The following ZNF213 variants were observed in gnomAD, a reference collection of about 807,000 sequenced individuals.
ZNF213 encodes zinc finger protein 213.
Under a neutral mutation model 46.0 loss-of-function variants are expected in ZNF213, and 32 were observed. The ratio of observed to expected loss-of-function variants is 0.70; its 90% CI spans 0.52 to 0.93. The LOEUF is 0.93. Ranked by LOEUF, ZNF213 falls within the 40% of genes least tolerant of loss-of-function variation. The pLI is 0.00. For synonymous variants in ZNF213, 297 were observed against 271.0 expected, an observed-to-expected ratio of 1.10 and a Z score of -0.94; for missense variants, 639 against 652.8, an observed-to-expected ratio of 0.98 and a Z score of 0.23.
chr16:3,140,499 A>G, intron 5 of ZNF213, 190 bp from the exon 6 acceptor site: 2 of 834,284 alleles, frequency 2.4e-6, no homozygotes, highest in Non-Finnish European at 1.6e-6. Flanking sequence ...TTGGGATTAC[A>G]GGCTTGAGTC....
intron 5 of ZNF213, chr16:3,140,388 A>G: frequency 4.1e-6 from 1 of 245,748 alleles, no homozygotes; most frequent in Middle Eastern, 1.2e-3. Context: ...TGCCCTGCTG[A>G]TTTTTGCATT....
rs1487818348 is a variant in ZNF213, at chr16:3,141,242, T to C, written c.1275T>C (p.Gly425=). 6.8e-6 allele frequency: 11 copies of C among 1,612,390 alleles called. No homozygotes were observed. The highest frequency in any genetic ancestry group is 1.6e-4 in the Middle Eastern group (1 of 6,062). Residue 425 remains glycine (G), a synonymous_variant, in exon 6 of 6, where the codon GGT becomes GGC. Coordinates refer to ENST00000396878, the MANE Select transcript of ZNF213 (RefSeq NM_004220.3). ...YLLDHRRVHT[G]ERPFGCGECD... ...TGGACCATCGGCGTGTGCACACCGGTGAGCGGCCCTTCGGCTGCGGAGAGT... is the reference window on the plus strand; with the variant it reads ...TGGACCATCGGCGTGTGCACACCGGCGAGCGGCCCTTCGGCTGCGGAGAGT...
chr16:3,135,785 C>G (rs577575107), intron 1 of ZNF213, among the ~76,000 whole-genome samples: 34 of 150,636 alleles, frequency 2.3e-4, no homozygotes, highest in Non-Finnish European at 3.7e-4. Flanking sequence ...TGAATCTTCC[C>G]TTTTTTATTA....
chr16:3,135,480 GAATA>G (rs1435804451), intron 1 of ZNF213, 93 bp downstream of exon 1: 4 of 152,356 alleles, frequency 2.6e-5, no homozygotes, highest in South Asian at 2.1e-4. Flanking sequence ...GTGAGGAGCA[GAATA>G]AATAAAGTGC....
rs557860626 is a variant in ZNF213 at position 3,135,381 on chromosome 16, G to A, written c.-122G>A. On this transcript the variant is annotated 5_prime_UTR_variant, in exon 1 of 6. Transcript: ENST00000396878. Reference sequence around the variant, plus strand: ...TCCCGCCTGCCGTGTCCTGCTGAGCGACCCTGGTGAGTCCTGGCCCTCTTC... The same window carrying A: ...TCCCGCCTGCCGTGTCCTGCTGAGCAACCCTGGTGAGTCCTGGCCCTCTTC... 3 of 152,428 alleles carry A rather than the reference G, an allele frequency of 2.0e-5. No individual in the cohort carries two copies. Among genetic ancestry groups the A allele is most frequent in the Admixed American group, 1.3e-4 (2 of 15,310 alleles). 9.4% of individuals were successfully genotyped at this position (152,428 alleles called of 1,614,324 possible).
intron 2 of ZNF213, 22 bp from the exon 3 acceptor site, chr16:3,138,396 G>C: frequency 6.2e-7 from 1 of 1,613,252 alleles, no homozygotes; most frequent in Middle Eastern, 1.7e-4. Context: ...GGGCTGATGA[G>C]CATGTTGTGG....
chr16:3,136,561 C>CA (rs1339627457), intron 1 of ZNF213, among the ~76,000 whole-genome samples: 1 of 151,896 alleles, frequency 6.6e-6, no homozygotes, highest in Non-Finnish European at 1.5e-5. Flanking sequence ...ACTAAAAATA[C>CA]AAAAAATTAG....
At chr16:3,139,224 G>C (rs1957576541) in intron 5 of ZNF213, 126 bp downstream of exon 5, 1 of 1,382,174 alleles carries the variant, frequency 7.2e-7, no homozygotes, top group Non-Finnish European at 9.7e-7. Flanking sequence ...CCAGGAGCCT[G>C]AGTAACTCCT....
At chr16:3,136,991 G>A (rs1056404740) in intron 1 of ZNF213, among the ~76,000 whole-genome samples, 175 bp from the exon 2 acceptor site, 1 of 152,150 alleles carries the variant, frequency 6.6e-6, no homozygotes, top group African/African-American at 2.4e-5. Flanking sequence ...TGGGATGAGA[G>A]CTTGTGGGCC....
At position 3,141,593 on chromosome 16, in the gene ZNF213, C is replaced by G. The variant is rs1182142040; in HGVS notation, c.*246C>G. 2.0e-6 allele frequency: 1 copy of G among 497,644 alleles called. No individual in the cohort carries two copies. Among genetic ancestry groups the G allele is most frequent in the Non-Finnish European group, 3.5e-6 (1 of 284,858 alleles). 30.8% of individuals were successfully genotyped at this position (497,644 alleles called of 1,614,324 possible). On this transcript the variant is annotated 3_prime_UTR_variant, in exon 6 of 6. Coordinates refer to ENST00000396878, the MANE Select transcript of ZNF213 (RefSeq NM_004220.3). ...TTTCCCCCTTCTGCGCCTAGCGTTC[C>G]TCTTCCCCTCTAGTTTCCTGGAGCC...
rs1023316259 is a variant in ZNF213 at position 3,141,801 on chromosome 16, G to GC, written c.*460dup. Reference sequence around the variant, plus strand: ...CAGTGGGCGTGGAGGACTGGCCTTGGCCCCCCAGGGGGCTGCTGGACTTTG... The same window carrying GC: ...CAGTGGGCGTGGAGGACTGGCCTTGGCCCCCCCAGGGGGCTGCTGGACTTTG... On this transcript the variant is annotated 3_prime_UTR_variant, in exon 6 of 6. Coordinates refer to ENST00000396878, the MANE Select transcript of ZNF213 (RefSeq NM_004220.3). 6 of 164,474 alleles carry GC rather than the reference G, an allele frequency of 3.6e-5. No homozygotes were observed. Among genetic ancestry groups the GC allele is most frequent in the Non-Finnish European group, 6.5e-5 (5 of 76,530 alleles). 10.2% of individuals were successfully genotyped at this position (164,474 alleles called of 1,614,324 possible). A position where few individuals can be genotyped will look rare whatever the true frequency, so the allele number is the denominator to read the frequency against.
rs373307777 is a variant in ZNF213, at chr16:3,138,385, C to T, written c.400-33C>T. On this transcript the variant is annotated intron_variant, in intron 2 of 5. Coordinates refer to ENST00000396878, the MANE Select transcript of ZNF213 (RefSeq NM_004220.3). ...AACTCTGTCTCCCCCGGTCTGGTCT[C>T]GGGCTGATGAGCATGTTGTGGTTCC... 1,612 of 1,612,660 alleles carry T rather than the reference C, an allele frequency of 1.0e-3. 16 individuals carry two copies. The South Asian group carries it at 0.014, about 14-fold the overall frequency.
chr16:3,138,692 C>T (rs1452395220), intron 3 of ZNF213, 53 bp from the exon 4 acceptor site: 6 of 1,611,738 alleles, frequency 3.7e-6, no homozygotes, highest in Admixed American at 3.3e-5. Context: ...AGGCCATAGG[C>T]GTCGGTGTCA....
At position 3,141,486 on chromosome 16, in the gene ZNF213, G is replaced by T. The variant is rs1015000097; in HGVS notation, c.*139G>T. On this transcript the variant is annotated 3_prime_UTR_variant, in exon 6 of 6. Transcript: ENST00000396878. ...CCAGGGTACCTCACACTCGGAGCTC[G>T]CCTGCCCTGCTTGGCTCTGAGGACC... is the stretch of plus-strand genomic sequence containing the variant. The T allele has an allele frequency of 2.9e-6, 3 of 1,026,430 alleles. No homozygotes were observed. Among genetic ancestry groups the T allele is most frequent in the Admixed American group, 6.0e-5 (2 of 33,168 alleles). The allele number at this position is 1,026,430 out of a possible 1,614,324, so 63.6% of individuals were successfully genotyped here.
At position 3,141,410 on chromosome 16, in the gene ZNF213, A is replaced by G; in HGVS notation, c.*63A>G. On this transcript the variant is annotated 3_prime_UTR_variant, in exon 6 of 6. Coordinates refer to ENST00000396878, the MANE Select transcript of ZNF213 (RefSeq NM_004220.3). ...CACGGCACATCCTGCTTTGTTCACC[A>G]CTGGGACTCTCCTTCCATCTGTGGC... The G allele has an allele frequency of 1.3e-6, 2 of 1,482,814 alleles. No homozygotes were observed. Among genetic ancestry groups the G allele is most frequent in the Non-Finnish European group, 8.9e-7 (1 of 1,120,594 alleles). 91.9% of individuals were successfully genotyped at this position (1,482,814 alleles called of 1,614,324 possible).
chr16:3,136,262 G>A (rs1306029794), intron 1 of ZNF213, among the ~76,000 whole-genome samples: 1 of 152,132 alleles, frequency 6.6e-6, no homozygotes, highest in Non-Finnish European at 1.5e-5. Context: ...AATGGCTTTG[G>A]ATGGTGTCTG....
Position 3,137,314 on chromosome 16 carries a change from C to T in ZNF213, c.34C>T (p.Pro12Ser). 5.0e-6 allele frequency: 8 copies of T among 1,609,708 alleles called. No homozygotes were observed. Among genetic ancestry groups the T allele is most frequent in the African/African-American group, 4.0e-5 (3 of 74,968 alleles). ...AAPLEAQDQA[P>S]GEGEGLLIVK... ...CCCCTTGGAGGCCCAGGACCAGGCCCCTGGGGAGGGAGAAGGGCTTCTGAT... is the reference window on the plus strand; with the variant it reads ...CCCCTTGGAGGCCCAGGACCAGGCCTCTGGGGAGGGAGAAGGGCTTCTGAT... The change falls in exon 2 of 6, where the codon CCT (proline) becomes TCT (serine). Residue 12 changes from proline (P) to serine (S), a missense_variant. By Grantham distance (74) the Pro-to-Ser change is moderately conservative (BLOSUM62 -1). Transcript: ENST00000396878.
At position 3,137,358 on chromosome 16, in the gene ZNF213, C is replaced by T. The variant is rs903559430; in HGVS notation, c.78C>T (p.Ser26=). 2 of 1,613,826 alleles carry T rather than the reference C, an allele frequency of 1.2e-6. No homozygotes were observed. Among genetic ancestry groups the T allele is most frequent in the African/African-American group, 1.3e-5 (1 of 74,950 alleles). Residue 26 remains serine, a synonymous_variant, in exon 2 of 6, where the codon TCC becomes TCT. Coordinates refer to ENST00000396878, the MANE Select transcript of ZNF213 (RefSeq NM_004220.3). Reference sequence around the variant, plus strand: ...TTCTGATTGTGAAAGTGGAAGATTCCTCCTGGGAACAGGAATCTGCCCAGC... The same window carrying T: ...TTCTGATTGTGAAAGTGGAAGATTCTTCCTGGGAACAGGAATCTGCCCAGC... ...EGLLIVKVED[S]SWEQESAQHE...
At position 3,140,764 on chromosome 16, in the gene ZNF213, G is replaced by A. The variant is rs1957593350; in HGVS notation, c.797G>A (p.Ser266Asn). 1 of 1,568,408 alleles carries A rather than the reference G, an allele frequency of 6.4e-7. No individual in the cohort carries two copies. The highest frequency in any genetic ancestry group is 8.6e-7 in the Non-Finnish European group (1 of 1,163,310). ...MVPVVPGQTGSDVTVSWSPEE... is the reference protein window; with the variant it reads ...MVPVVPGQTGNDVTVSWSPEE... ...CCGGTGGTGCCAGGCCAGACAGGCA[G>A]CGACGTGACTGTGTCCTGGAGCCCC... is the stretch of plus-strand genomic sequence containing the variant. Residue 266 changes from serine to asparagine, a missense_variant, in exon 6 of 6, where the codon AGC becomes AAC. Physicochemically the swap from Ser to Asn is conservative, Grantham distance 46 (BLOSUM62 1). Coordinates refer to ENST00000396878, the MANE Select transcript of ZNF213 (RefSeq NM_004220.3).
Sources: gnomAD v4.1 joint callset for allele counts (sites outside exome capture counted in the v4.1 genomes callset) on GRCh38, gnomAD v4.1.1 for gene constraint, MANE v1.5 for transcripts, NCBI Gene and HGNC (gene_info 2026-07-23, HGNC 2026-07-21) for gene names.